ZNF608: variants seen among roughly 807,000 people sequenced by gnomAD.
ZNF608 encodes zinc finger protein 608.
Under a neutral mutation model 109.0 loss-of-function variants are expected in ZNF608, and 12 were observed. The observed-to-expected ratio is 0.11, with a 90% confidence interval of 0.07 to 0.18. The LOEUF is 0.18. Ranked by LOEUF, ZNF608 falls within the 10% of genes least tolerant of loss-of-function variation. ZNF608 has a pLI of 1.00. For missense variants in ZNF608, 1,707 were observed against 1,879.3 expected (o/e 0.91, Z 1.70); for synonymous variants, 732 against 717.4 (o/e 1.02, Z -0.33).
At chr5:124,670,746 C>T (rs1333806220) in intron 3 of ZNF608, among the ~76,000 whole-genome samples, 6 of 152,134 alleles carry the variant, frequency 3.9e-5, no homozygotes, top group African/African-American at 1.2e-4. Context: ...TTTTCTATAC[C>T]GTTCCATCAC....
Position 124,701,155 on chromosome 5 carries a change from C to T in ZNF608, c.1021G>A (p.Glu341Lys), listed in dbSNP as rs1753035423. Residue 341 changes from glutamate (E) to lysine (K), a missense_variant, in exon 3 of 10, where the codon GAA (glutamate) becomes AAA (lysine). By Grantham distance (56) the Glu-to-Lys change is moderately conservative. Around this residue, in one of 7 missense-constraint regions of ZNF608, gnomAD observed 407 missense variants for 398.7 expected, o/e 1.02. Coordinates refer to ENST00000513986, the MANE Select transcript of ZNF608 (RefSeq NM_020747.3). Reference sequence around the variant, plus strand: ...GAACGAGTCCGAACCAAAAGCTGTTCAACCGGTGCTGCAATATTGGATGAA... The same window carrying T: ...GAACGAGTCCGAACCAAAAGCTGTTTAACCGGTGCTGCAATATTGGATGAA... ...PSSSNIAAPV[E>K]QLLVRTRSVG... 1 of 1,614,128 alleles carries T rather than the reference C, an allele frequency of 6.2e-7. No individual in the cohort carries two copies.
At chr5:124,746,937 C>T (rs1749659926), upstream of ZNF608, 1 of 36,752 alleles carries the variant, frequency 2.7e-5, no homozygotes, top group Non-Finnish European at 5.4e-5. Context: ...AGCATTCGCT[C>T]GGGGCGGGGG....
intron 2 of ZNF608, chr5:124,710,366 A>G: frequency 8.0e-6 from 3 of 374,560 alleles, no homozygotes; most frequent in South Asian, 6.1e-5. Flanking sequence ...AATTTTACAC[A>G]TTTGAATTAC....
rs1019814944 is a variant in ZNF608, at chr5:124,746,514, T to A, written c.-503A>T. The A allele has an allele frequency of 5.0e-5, 49 of 985,244 alleles. No homozygotes were observed. The highest frequency in any genetic ancestry group is 5.4e-5 in the Non-Finnish European group (45 of 829,924). The allele number at this position is 985,244 out of a possible 1,614,324, so 61.0% of individuals were successfully genotyped here. A position where few individuals can be genotyped will look rare whatever the true frequency, so the allele number is the denominator to read the frequency against. On this transcript the variant is annotated 5_prime_UTR_variant, in exon 1 of 10. Coordinates refer to ENST00000513986, the MANE Select transcript of ZNF608 (RefSeq NM_020747.3). ...ACAAGCATCGAGAATAATAGTTTTT[T>A]AAAAAACAGAGAGTTTAGAGAAAAA...
intron 2 of ZNF608, among the ~76,000 whole-genome samples, chr5:124,709,409 G>A (rs971233361): frequency 8.5e-5 from 13 of 152,144 alleles, no homozygotes; most frequent in Non-Finnish European, 5.9e-5. Context: ...AAGGTACTGA[G>A]TATGTAAAGA....
At chr5:124,682,384 C>CT in intron 3 of ZNF608, among the ~76,000 whole-genome samples, 1 of 152,162 alleles carries the variant, frequency 6.6e-6, no homozygotes, top group South Asian at 2.1e-4. Flanking sequence ...ACCATGAATC[C>CT]TTTTTTAGGA....
At chr5:124,655,790 T>C (rs1379592085) in intron 3 of ZNF608, among the ~76,000 whole-genome samples, 1 of 152,270 alleles carries the variant, frequency 6.6e-6, no homozygotes, top group Non-Finnish European at 1.5e-5. Context: ...TCAATACTGG[T>C]ACTTTGTAAA....
In ZNF608 at chr5:124,719,598, T is replaced by C. The variant is rs117819621; in HGVS notation, c.907-18329A>G. Among the ~76,000 whole-genome samples, 428 of 152,346 alleles carry C rather than the reference T, an allele frequency of 2.8e-3. 13 individuals carry two copies. In the East Asian group the frequency reaches 0.064, roughly 23 times the overall value. On this transcript the variant is annotated intron_variant, in intron 2 of 9. Transcript: ENST00000513986. ...TATTGCTTCTCAGTAGTTAAGCTAT[T>C]TGCCCCCTAAGTCAGTTACTTAATT...
At position 124,647,260 on chromosome 5, in the gene ZNF608, C is replaced by A; in HGVS notation, c.3124G>T (p.Asp1042Tyr). 6.2e-7 allele frequency: 1 copy of A among 1,614,214 alleles called. No homozygotes were observed. The highest frequency in any genetic ancestry group is 8.5e-7 in the Non-Finnish European group (1 of 1,180,042). Residue 1042 changes from aspartate to tyrosine, a missense_variant, in exon 5 of 10, where the codon GAC becomes TAC. Physicochemically the swap from Asp to Tyr is radical, Grantham distance 160. This residue lies in a region of ZNF608 where 1,073 missense variants were observed against 1,133.5 expected (regional missense o/e 0.95). Coordinates refer to ENST00000513986, the MANE Select transcript of ZNF608 (RefSeq NM_020747.3). ...KESEEDAEKK[D>Y]KAEQLDSKKV... ...TTAGAATCTAACTGCTCTGCCTTGT[C>A]TTTCTTTTCAGCATCTTCCTCAGAC...
At chr5:124,662,716 T>C (rs1046287465) in intron 3 of ZNF608, among the ~76,000 whole-genome samples, 1 of 152,164 alleles carries the variant, frequency 6.6e-6, no homozygotes, top group Non-Finnish European at 1.5e-5. Flanking sequence ...TCAGCGTGTG[T>C]TTTATACACC....
rs761281391 is a variant in ZNF608 at position 124,648,623 on chromosome 5, G to C, written c.1761C>G (p.Phe587Leu). ...AGATCTTGTCCTCACTGTCAGGCTCGAACTCCAGCTTGTTTTCTGGGTCTA... is the reference window on the plus strand; with the variant it reads ...AGATCTTGTCCTCACTGTCAGGCTCCAACTCCAGCTTGTTTTCTGGGTCTA... ...AHLDPENKLE[F>L]EPDSEDKISD... Residue 587 changes from phenylalanine (F) to leucine (L), a missense_variant, in exon 5 of 10, where the codon TTC becomes TTG. This residue lies in a region of ZNF608 where 22 missense variants were observed against 52.2 expected (regional missense o/e 0.42). Transcript: ENST00000513986. 1.2e-6 allele frequency: 2 copies of C among 1,614,180 alleles called. No homozygotes were observed. Among genetic ancestry groups the C allele is most frequent in the Non-Finnish European group, 8.5e-7 (1 of 1,180,038 alleles).
chr5:124,744,005 C>T lies in ZNF608; in HGVS notation c.906+79G>A. The stretch of plus-strand genomic sequence containing the variant: ...ACCAGAAAGCATAAAGTGTAAGGCA[C>T]ACAGAGGCACACCCCCACACACCCA... On this transcript the variant is annotated intron_variant, in intron 2 of 9. Coordinates refer to ENST00000513986, the MANE Select transcript of ZNF608 (RefSeq NM_020747.3). The surrounding 1 kb of genome is among the most constrained non-coding windows in gnomAD (Gnocchi z 4.5). 1 of 1,511,108 alleles carries T rather than the reference C, an allele frequency of 6.6e-7. No homozygotes were observed. Among genetic ancestry groups the T allele is most frequent in the Non-Finnish European group, 8.9e-7 (1 of 1,129,500 alleles). The allele number at this position is 1,511,108 out of a possible 1,614,324, so 93.6% of individuals were successfully genotyped here. A position where few individuals can be genotyped will look rare whatever the true frequency, so the allele number is the denominator to read the frequency against.
chr5:124,745,050 A>G lies in ZNF608; in HGVS notation c.-61T>C. Reference sequence around the variant, plus strand: ...AACTTTTCTTTGGAGATGAGGGGACATTCGTTTATCTCCGCTGGGCTTTCT... The same window carrying G: ...AACTTTTCTTTGGAGATGAGGGGACGTTCGTTTATCTCCGCTGGGCTTTCT... On this transcript the variant is annotated 5_prime_UTR_variant, in exon 2 of 10. The change abolishes an upstream ATG in the 5' untranslated region. Coordinates refer to ENST00000513986, the MANE Select transcript of ZNF608 (RefSeq NM_020747.3). 2 of 1,529,526 alleles carry G rather than the reference A, an allele frequency of 1.3e-6. No homozygotes were observed. Among genetic ancestry groups the G allele is most frequent in the Non-Finnish European group, 1.7e-6 (2 of 1,146,398 alleles). The allele number at this position is 1,529,526 out of a possible 1,614,324, so 94.7% of individuals were successfully genotyped here.
At chr5:124,684,939 CTA>C (rs1752342697) in intron 3 of ZNF608, among the ~76,000 whole-genome samples, 1 of 152,184 alleles carries the variant, frequency 6.6e-6, no homozygotes, top group Non-Finnish European at 1.5e-5. Flanking sequence ...TGGATAGCTG[CTA>C]GACTATTGCA....
At chr5:124,704,177 C>T (rs1401595160) in intron 2 of ZNF608, among the ~76,000 whole-genome samples, 1 of 152,194 alleles carries the variant, frequency 6.6e-6, no homozygotes, top group African/African-American at 2.4e-5. Flanking sequence ...TCATAAATAG[C>T]ACTCCGATGT....
chr5:124,638,995 T>A (rs569133287), intron 9 of ZNF608, 138 bp downstream of exon 9: 1 of 883,756 alleles, frequency 1.1e-6, no homozygotes, highest in South Asian at 1.7e-5. Context: ...CAACTTATAT[T>A]GGCATAATAA....
upstream of ZNF608, chr5:124,748,757 T>G: frequency 6.2e-6 from 1 of 162,248 alleles, no homozygotes; most frequent in Non-Finnish European, 1.3e-5. Context: ...AACAAGCTTG[T>G]TCTGCAACAC....
chr5:124,695,747 C>T (rs759283767), intron 3 of ZNF608, among the ~76,000 whole-genome samples: 17 of 151,688 alleles, frequency 1.1e-4, no homozygotes, highest in Admixed American at 2.0e-4. Context: ...CCAGCCTGAG[C>T]GATGAACTGA....
intron 3 of ZNF608, among the ~76,000 whole-genome samples, chr5:124,652,396 T>G (rs577922773): frequency 3.3e-5 from 5 of 152,300 alleles, no homozygotes; most frequent in Non-Finnish European, 5.9e-5. Context: ...AAACAAATGC[T>G]TTACACCCAA....
Sources: allele counts gnomAD v4.1 joint callset (sites outside exome capture counted in the v4.1 genomes callset), GRCh38; gene constraint gnomAD v4.1.1; regional missense constraint gnomAD v4.1.1; non-coding constraint Gnocchi (gnomAD v3.1); transcripts MANE v1.5; gene names NCBI Gene and HGNC (gene_info 2026-07-23, HGNC 2026-07-21).